Variants in LRCH1 observed in about 807,000 individuals in gnomAD.
LRCH1 encodes leucine-rich repeat and calponin homology domain-containing protein 1.
LRCH1 carries 23 observed loss-of-function variants against 94.9 expected under a neutral mutation model. The ratio of observed to expected loss-of-function variants is 0.24; its 90% CI spans 0.17 to 0.34. The LOEUF (loss-of-function observed/expected upper bound fraction) is 0.34, where lower values mean the gene tolerates loss of function less well. LRCH1 is among the 10% of genes least tolerant of loss of function. The probability of loss-of-function intolerance (pLI) is 1.00; values close to 1 mark genes in which losing one functional copy is unlikely to be tolerated. For missense variants in LRCH1, 790 were observed against 945.9 expected, an observed-to-expected ratio of 0.84 and a Z score of 2.16; for synonymous variants, 364 against 354.9, an observed-to-expected ratio of 1.03 and a Z score of -0.29.
At chr13:46,614,115 T>C (rs1012235540) in intron 1 of LRCH1, among the ~76,000 whole-genome samples, 3 of 152,198 alleles carry the variant, frequency 2.0e-5, no homozygotes, top group African/African-American at 7.2e-5. Flanking sequence ...TACCTTTCTT[T>C]TTTTGTGGCG....
rs774016038 is a variant in LRCH1, at chr13:46,699,348, G to A, written c.1258G>A (p.Asp420Asn). The change falls in exon 10 of 20, where the codon GAC becomes AAC. Residue 420 changes from aspartate to asparagine, a missense_variant. Coordinates refer to ENST00000389797, the MANE Select transcript of LRCH1 (RefSeq NM_001164211.2). ...EFMNYKARAE[D>N]CEELLRIEED... is the part of the protein sequence containing the mutation. ...GTTTTGTCCACAGGCAAGGGCAGAA[G>A]ACTGTGAAGAGCTGTTACGGATAGA... 1.9e-6 allele frequency: 3 copies of A among 1,614,080 alleles called. No individual in the cohort carries two copies. In the Admixed American group the frequency reaches 5.0e-5, roughly 27 times the overall value.
intron 1 of LRCH1, among the ~76,000 whole-genome samples, chr13:46,582,370 C>CTTTTTTTTTTTT (rs10686269): frequency 8.8e-5 from 7 of 79,588 alleles, no homozygotes; most frequent in Non-Finnish European, 1.3e-4. Context: ...TTGCTCTCAT[C>CTTTTTTTTTTTT]TTTTTTTTTT....
chr13:46,587,134 A>T (rs1290957725), intron 1 of LRCH1, among the ~76,000 whole-genome samples: 3 of 152,214 alleles, frequency 2.0e-5, no homozygotes, highest in South Asian at 2.1e-4. Flanking sequence ...GTTGTAAATG[A>T]TGTAAAAATA....
chr13:46,615,032 A>G (rs571965985), intron 1 of LRCH1, among the ~76,000 whole-genome samples: 1 of 152,178 alleles, frequency 6.6e-6, no homozygotes. Context: ...TCACTGATGA[A>G]TTAATTAGGT....
Position 46,705,118 on chromosome 13 carries a change from G to T in LRCH1, c.1451G>T (p.Gly484Val), listed in dbSNP as rs752401148. ...AGTGTTTTAAACCTATATCCTATGG[G>T]ATCAGCAGAAGCCTTAGAATTACAA... ...ERSVLNLYPM[G>V]SAEALELQDS... The change falls in exon 12 of 20, where the codon GGA becomes GTA. Residue 484 changes from glycine (G) to valine (V), a missense_variant. Gly to Val is a moderately radical substitution (Grantham distance 109, BLOSUM62 -3). Coordinates refer to ENST00000389797, the MANE Select transcript of LRCH1 (RefSeq NM_001164211.2). The T allele has an allele frequency of 1.2e-6, 2 of 1,609,476 alleles. No homozygotes were observed. The highest frequency in any genetic ancestry group is 8.5e-7 in the Non-Finnish European group (1 of 1,177,920).
intron 3 of LRCH1, among the ~76,000 whole-genome samples, chr13:46,676,506 C>A (rs2051675485): frequency 6.6e-6 from 1 of 152,140 alleles, no homozygotes; most frequent in African/African-American, 2.4e-5. Flanking sequence ...CACAGTGAGT[C>A]ATACAAAATG....
At chr13:46,750,893 G>A in exon 19 of LRCH1, 1 of 364,762 alleles carries the variant, frequency 2.7e-6, no homozygotes, top group Non-Finnish European at 5.0e-6. Flanking sequence ...AAAAAACTGA[G>A]CAGCACATCA....
At chr13:46,714,295 C>T (rs1249822205) in intron 15 of LRCH1, among the ~76,000 whole-genome samples, 7 of 152,128 alleles carry the variant, frequency 4.6e-5, no homozygotes. Flanking sequence ...CATCAAGTGA[C>T]ATGTGGGAAC....
At chr13:46,610,315 T>A (rs1393160703) in intron 1 of LRCH1, among the ~76,000 whole-genome samples, 1 of 152,210 alleles carries the variant, frequency 6.6e-6, no homozygotes, top group Admixed American at 6.5e-5. Flanking sequence ...AAAGGCAGAT[T>A]TCCTAGGGTA....
chr13:46,560,471 G>A (rs2050118486), intron 1 of LRCH1, among the ~76,000 whole-genome samples: 1 of 152,148 alleles, frequency 6.6e-6, no homozygotes. Context: ...TTCAGTGATT[G>A]TGTGAATTGT....
chr13:46,570,078 A>T lies in LRCH1; in HGVS notation c.307+16375A>T, dbSNP rs535481577. The stretch of plus-strand genomic sequence containing the variant: ...ATAATAGCTTCATTTATTGAGTCAG[A>T]TATTGTGTTCTCCACTTTATGTGGC... On this transcript the variant is annotated intron_variant, in intron 1 of 19. Coordinates refer to ENST00000389797, the MANE Select transcript of LRCH1 (RefSeq NM_001164211.2). 8.5e-5 allele frequency among the ~76,000 whole-genome samples: 13 copies of T among 152,268 alleles called. No individual in the cohort carries two copies. In the South Asian group the frequency reaches 1.9e-3, roughly 22 times the overall value.
chr13:46,588,032 G>A (rs1057174784), intron 1 of LRCH1, among the ~76,000 whole-genome samples: 6 of 152,132 alleles, frequency 3.9e-5, no homozygotes, highest in Non-Finnish European at 8.8e-5. Flanking sequence ...AGAGGAATGT[G>A]CAAACTCTAG....
At chr13:46,653,562 C>T (rs2051333512) in intron 2 of LRCH1, among the ~76,000 whole-genome samples, 1 of 152,110 alleles carries the variant, frequency 6.6e-6, no homozygotes, top group Admixed American at 6.5e-5. Context: ...TGGTGGCTCA[C>T]GCCTGTAATC....
At position 46,622,481 on chromosome 13, in the gene LRCH1, C is replaced by G. The variant is rs376094490; in HGVS notation, c.308-27720C>G. The stretch of plus-strand genomic sequence containing the variant: ...ATCAGTGCAAATCCTGACACTGTCT[C>G]TAGAAGCAGGCATTAACTTGCAGAA... On this transcript the variant is annotated intron_variant, in intron 1 of 19. Transcript: ENST00000389797. 3.9e-5 allele frequency among the ~76,000 whole-genome samples: 6 copies of G among 152,288 alleles called. No individual in the cohort carries two copies. In the South Asian group the frequency reaches 8.3e-4, roughly 21 times the overall value.
chr13:46,588,624 G>T (rs1410523032), intron 1 of LRCH1, among the ~76,000 whole-genome samples: 1 of 121,160 alleles, frequency 8.3e-6, no homozygotes, highest in Non-Finnish European at 1.6e-5. Flanking sequence ...TTTTGAGACA[G>T]TCATCTCGCT....
In LRCH1 at chr13:46,743,590, G is replaced by A; in HGVS notation, c.*1742G>A. The A allele has an allele frequency of 1.0e-6, 1 of 985,706 alleles. No individual in the cohort carries two copies. Among genetic ancestry groups the A allele is most frequent in the African/African-American group, 1.7e-5 (1 of 57,344 alleles). The allele number at this position is 985,706 out of a possible 1,614,324, so 61.1% of individuals were successfully genotyped here. On this transcript the variant is annotated 3_prime_UTR_variant, in exon 20 of 20. Coordinates refer to ENST00000389797, the MANE Select transcript of LRCH1 (RefSeq NM_001164211.2). ...AAATTGCTTAATAAACACATTTTGG[G>A]TGATTATTCCAAGTTTTTATCAGCC...
At chr13:46,698,700 A>G (rs1260866191) in intron 9 of LRCH1, among the ~76,000 whole-genome samples, 1 of 152,216 alleles carries the variant, frequency 6.6e-6, no homozygotes, top group Non-Finnish European at 1.5e-5. Context: ...AAGGTGCTAA[A>G]AGGGCAATAG....
chr13:46,598,382 G>A (rs2050588498), intron 1 of LRCH1, among the ~76,000 whole-genome samples: 2 of 151,688 alleles, frequency 1.3e-5, no homozygotes, highest in African/African-American at 2.4e-5. Context: ...GGCAACACAG[G>A]AACTTGCTTG....
chr13:46,730,458 C>G (rs2138231912), intron 18 of LRCH1, among the ~76,000 whole-genome samples: 1 of 152,300 alleles, frequency 6.6e-6, no homozygotes, highest in African/African-American at 2.4e-5. Flanking sequence ...TCTCCCATCC[C>G]CAGGAGAGCC....
Sources: gnomAD v4.1 joint callset for allele counts (sites outside exome capture counted in the v4.1 genomes callset) on GRCh38, gnomAD v4.1.1 for gene constraint, MANE v1.5 for transcripts, NCBI Gene and HGNC (gene_info 2026-07-23, HGNC 2026-07-21) for gene names.